Variants in HS3ST3A1 observed in about 807,000 individuals in gnomAD.
HS3ST3A1 encodes heparan sulfate-glucosamine 3-sulfotransferase 3A1.
Under a neutral mutation model 25.7 loss-of-function variants are expected in HS3ST3A1, and 19 were observed. The ratio of observed to expected loss-of-function variants is 0.74; its 90% confidence interval spans 0.52 to 1.08. The LOEUF (loss-of-function observed/expected upper bound fraction) is 1.08. Ranked by LOEUF, HS3ST3A1 falls within the 50% of genes least tolerant of loss-of-function variation. The probability of loss-of-function intolerance (pLI) is 0.00; values close to 1 mark genes in which losing one functional copy is unlikely to be tolerated. For synonymous variants in HS3ST3A1, 226 were observed against 278.6 expected (o/e 0.81, Z 1.88); for missense variants, 459 against 594.3 (o/e 0.77, Z 2.37).
intron 1 of HS3ST3A1, among the ~76,000 whole-genome samples, chr17:13,549,119 C>CA (rs1206708286): frequency 1.3e-5 from 2 of 152,224 alleles, no homozygotes; most frequent in Non-Finnish European, 2.9e-5. Flanking sequence ...ACACTCACCA[C>CA]AAGGGTCTGC....
chr17:13,513,897 C>T (rs1445173581), intron 1 of HS3ST3A1, among the ~76,000 whole-genome samples: 3 of 152,024 alleles, frequency 2.0e-5, no homozygotes, highest in Non-Finnish European at 2.9e-5. Flanking sequence ...GTCTTTGAAT[C>T]TTAATATATT....
intron 1 of HS3ST3A1, among the ~76,000 whole-genome samples, chr17:13,520,896 T>G (rs1239656868): frequency 6.6e-6 from 1 of 152,308 alleles, no homozygotes; most frequent in South Asian, 2.1e-4. Context: ...ATTTAGATTT[T>G]TAAGTGCTTA....
intron 1 of HS3ST3A1, among the ~76,000 whole-genome samples, chr17:13,560,166 T>C (rs1040563860): frequency 3.3e-5 from 5 of 150,962 alleles, no homozygotes; most frequent in Admixed American, 1.3e-4. Context: ...GGCACATGCC[T>C]GTAATGCCAG....
At chr17:13,581,703 T>A (rs1252191687) in intron 1 of HS3ST3A1, among the ~76,000 whole-genome samples, 2 of 152,198 alleles carry the variant, frequency 1.3e-5, no homozygotes, top group East Asian at 1.9e-4. Context: ...TGAGAACTTA[T>A]CTTAAAAACA....
chr17:13,567,927 A>G (rs897315026), intron 1 of HS3ST3A1, among the ~76,000 whole-genome samples: 3 of 152,266 alleles, frequency 2.0e-5, no homozygotes, highest in African/African-American at 7.2e-5. Context: ...CAGCAGCAGG[A>G]TTTGAGAGGA....
intron 1 of HS3ST3A1, among the ~76,000 whole-genome samples, chr17:13,528,382 A>G (rs1199779323): frequency 3.3e-5 from 5 of 152,236 alleles, no homozygotes; most frequent in African/African-American, 1.2e-4. Flanking sequence ...TTCAGCTGTT[A>G]GAGCCTTTAG....
At chr17:13,550,428 A>G (rs984666904) in intron 1 of HS3ST3A1, among the ~76,000 whole-genome samples, 7 of 151,996 alleles carry the variant, frequency 4.6e-5, no homozygotes, top group South Asian at 2.1e-4. Flanking sequence ...ACCTCCCTCC[A>G]CACACGCCCC....
At chr17:13,580,721 A>G (rs1908088581) in intron 1 of HS3ST3A1, among the ~76,000 whole-genome samples, 1 of 151,976 alleles carries the variant, frequency 6.6e-6, no homozygotes. Context: ...GAGAAACTCC[A>G]TCTCTACTAA....
rs562889106 is a variant in HS3ST3A1 at position 13,558,625 on chromosome 17, G to A, written c.599+41906C>T. ...ATTCCAGTTTTATTTTCTTTAAAACGATCTCTATCTATCTGTAGCTATGTC... is the reference window on the plus strand; with the variant it reads ...ATTCCAGTTTTATTTTCTTTAAAACAATCTCTATCTATCTGTAGCTATGTC... On this transcript the variant is annotated intron_variant, in intron 1 of 1. Transcript: ENST00000284110. Among the ~76,000 whole-genome samples, 4 of 152,220 alleles carry A rather than the reference G, an allele frequency of 2.6e-5. 1 individual carries two copies. Among genetic ancestry groups the A allele is most frequent in the South Asian group, 4.1e-4 (2 of 4,824 alleles).
chr17:13,539,620 G>A (rs1376676821), intron 1 of HS3ST3A1, among the ~76,000 whole-genome samples: 1 of 152,182 alleles, frequency 6.6e-6, no homozygotes, highest in Non-Finnish European at 1.5e-5. Flanking sequence ...AAGTCAAACA[G>A]GCAACTTGTT....
chr17:13,586,063 G>A (rs889032142), intron 1 of HS3ST3A1, among the ~76,000 whole-genome samples: 3 of 151,550 alleles, frequency 2.0e-5, no homozygotes, highest in African/African-American at 7.3e-5. Context: ...TGACCAGGAT[G>A]GTCTTAATCT....
chr17:13,509,948 C>T (rs932247188), intron 1 of HS3ST3A1, among the ~76,000 whole-genome samples: 1 of 152,198 alleles, frequency 6.6e-6, no homozygotes, highest in African/African-American at 2.4e-5. Context: ...GCTTGATTAT[C>T]TGAAAAACAA....
intron 1 of HS3ST3A1, among the ~76,000 whole-genome samples, chr17:13,539,015 T>C (rs1432469240): frequency 6.6e-6 from 1 of 152,246 alleles, no homozygotes; most frequent in East Asian, 1.9e-4. Context: ...TTAGCTTTAG[T>C]TGACGGAGAG....
rs969920262 is a variant in HS3ST3A1 at position 13,534,692 on chromosome 17, G to A, written c.600-37874C>T. Reference sequence around the variant, plus strand: ...TGCAGTGAGCCATGATGCTGCCACTGCCATCCAGCCTGGGCAACAGAGTGA... The same window carrying A: ...TGCAGTGAGCCATGATGCTGCCACTACCATCCAGCCTGGGCAACAGAGTGA... On this transcript the variant is annotated intron_variant, in intron 1 of 1. Coordinates refer to ENST00000284110, the MANE Select transcript of HS3ST3A1 (RefSeq NM_006042.3). 4.0e-5 allele frequency among the ~76,000 whole-genome samples: 6 copies of A among 151,614 alleles called. No individual in the cohort carries two copies. In the East Asian group the frequency reaches 1.2e-3, roughly 29 times the overall value.
At chr17:13,529,484 A>G (rs778195032) in intron 1 of HS3ST3A1, among the ~76,000 whole-genome samples, 65 of 152,322 alleles carry the variant, frequency 4.3e-4, no homozygotes, top group Admixed American at 4.6e-4. Context: ...CTGCATTCCA[A>G]GAAACACAGA....
chr17:13,567,294 G>C (rs1907699073), intron 1 of HS3ST3A1, among the ~76,000 whole-genome samples: 1 of 152,162 alleles, frequency 6.6e-6, no homozygotes, highest in Admixed American at 6.5e-5. Context: ...AGAAAAAAAA[G>C]ATATCCATCT....
intron 1 of HS3ST3A1, among the ~76,000 whole-genome samples, chr17:13,580,023 G>A (rs542349194): frequency 6.9e-6 from 1 of 144,598 alleles, no homozygotes; most frequent in Non-Finnish European, 1.5e-5. Context: ...CAAAACAAAA[G>A]CAAGGCTACC....
intron 1 of HS3ST3A1, among the ~76,000 whole-genome samples, chr17:13,544,984 G>C (rs1907043882): frequency 6.6e-6 from 1 of 152,194 alleles, no homozygotes; most frequent in Non-Finnish European, 1.5e-5. Flanking sequence ...ACCCTTGTCA[G>C]ATAACTGTTT....
intron 1 of HS3ST3A1, among the ~76,000 whole-genome samples, chr17:13,592,514 A>G (rs1415688231): frequency 6.6e-6 from 1 of 152,234 alleles, no homozygotes; most frequent in Non-Finnish European, 1.5e-5. Context: ...AAAAATGCCA[A>G]ACAAGTAGAG....
Sources: gnomAD v4.1 joint callset for allele counts (sites outside exome capture counted in the v4.1 genomes callset) on GRCh38, gnomAD v4.1.1 for gene constraint, MANE v1.5 for transcripts, NCBI Gene and HGNC (gene_info 2026-07-23, HGNC 2026-07-21) for gene names.